HIVEP3: variants seen among roughly 807,000 people sequenced by gnomAD.
HIVEP3 encodes the protein HIVEP zinc finger 3.
A neutral mutation model predicts 152.8 loss-of-function variants in HIVEP3; 49 were observed. That is an observed-to-expected ratio of 0.32 (90% confidence interval 0.26 to 0.41). HIVEP3 has a LOEUF of 0.41. Among genes scored for constraint, HIVEP3 ranks in the 10% least tolerant of loss-of-function variants. The probability of loss-of-function intolerance (pLI) is 1.00; values close to 1 mark genes in which losing one functional copy is unlikely to be tolerated. For missense variants in HIVEP3, 2,790 were observed against 3,103.3 expected (o/e 0.90, Z 2.40); for synonymous variants, 1,269 against 1,289.0 (o/e 0.98, Z 0.33).
At chr1:41,578,812 G>A (rs896802576) in intron 4 of HIVEP3, among the ~76,000 whole-genome samples, 1 of 152,202 alleles carries the variant, frequency 6.6e-6, no homozygotes, top group African/African-American at 2.4e-5. Flanking sequence ...AAGGGAGATG[G>A]TTATGTTACT....
intron 6 of HIVEP3, among the ~76,000 whole-genome samples, chr1:41,519,094 G>A (rs1295056624): frequency 6.6e-6 from 1 of 152,146 alleles, no homozygotes; most frequent in African/African-American, 2.4e-5. Context: ...TACTAGCCAG[G>A]GACTCAGGAG....
chr1:41,706,189 G>C (rs1646430787), intron 1 of HIVEP3, among the ~76,000 whole-genome samples: 1 of 152,228 alleles, frequency 6.6e-6, no homozygotes, highest in Non-Finnish European at 1.5e-5. Flanking sequence ...ACTATAGGTA[G>C]TTTTTCAACC....
At chr1:41,983,997 C>A (rs1196067115) in intron 1 of HIVEP3, among the ~76,000 whole-genome samples, 1 of 152,104 alleles carries the variant, frequency 6.6e-6, no homozygotes, top group Non-Finnish European at 1.5e-5. Context: ...AGAGAGACAG[C>A]ATTTCGCTCT....
rs1558046341 is a variant in HIVEP3, at chr1:41,544,853, C to CTCT, written c.5208-19944_5208-19943insAGA. 1.4e-4 allele frequency among the ~76,000 whole-genome samples: 10 copies of CTCT among 72,384 alleles called. 1 individual carries two copies. Among genetic ancestry groups the CTCT allele is most frequent in the South Asian group, 1.1e-3 (2 of 1,784 alleles). The allele number at this position is 72,384 out of a possible 152,430, so 47.5% of individuals were successfully genotyped here. A position where few individuals can be genotyped will look rare whatever the true frequency, so the allele number is the denominator to read the frequency against. On this transcript the variant is annotated intron_variant, in intron 5 of 8. Transcript: ENST00000372583. ...CCATCACCACCACCACTACCACCAC[C>CTCT]ACCACCACCACCACCACCACCACTA...
chr1:41,525,387 T>C (rs1211605276), intron 5 of HIVEP3, among the ~76,000 whole-genome samples: 4 of 152,126 alleles, frequency 2.6e-5, no homozygotes, highest in Non-Finnish European at 2.9e-5. Context: ...CACCTCACCA[T>C]GGAGAGCCTG....
At chr1:41,720,500 AT>A (rs1208666137) in intron 1 of HIVEP3, among the ~76,000 whole-genome samples, 1 of 152,226 alleles carries the variant, frequency 6.6e-6, no homozygotes, top group African/African-American at 2.4e-5. Flanking sequence ...TGTGATTCCT[AT>A]GTGAGGAGTT....
intron 1 of HIVEP3, among the ~76,000 whole-genome samples, chr1:41,825,482 G>C (rs1303610208): frequency 6.6e-6 from 1 of 152,012 alleles, no homozygotes; most frequent in Non-Finnish European, 1.5e-5. Flanking sequence ...TGTTGGCCAG[G>C]CTGGTCTCGA....
intron 2 of HIVEP3, among the ~76,000 whole-genome samples, chr1:41,687,632 A>G (rs1250762850): frequency 2.6e-5 from 4 of 152,240 alleles, no homozygotes; most frequent in Admixed American, 2.6e-4. Context: ...ACTTAGGTGC[A>G]CGGCGATGCT....
At position 41,608,959 on chromosome 1, in the gene HIVEP3, C is replaced by G. The variant is rs55791618; in HGVS notation, c.-522+19790G>C. On this transcript the variant is annotated intron_variant, in intron 3 of 8. Coordinates refer to ENST00000372583, the MANE Select transcript of HIVEP3 (RefSeq NM_024503.5). ...AATAGCCAGGTGTGGTGGTGCATGC[C>G]TGTAATCCCAGTTACTTGGAAGGTT... Among the ~76,000 whole-genome samples, 889 of 150,984 alleles carry G rather than the reference C, an allele frequency of 5.9e-3. 5 individuals are homozygous for G. Among genetic ancestry groups the G allele is most frequent in the Non-Finnish European group, 0.01 (699 of 67,908 alleles).
intron 1 of HIVEP3, among the ~76,000 whole-genome samples, chr1:41,733,927 C>T (rs1570422094): frequency 6.6e-6 from 1 of 152,302 alleles, no homozygotes. Flanking sequence ...ACCTCCAGCC[C>T]CTGCACAGAA....
At chr1:41,959,752 T>G (rs889109870) in intron 1 of HIVEP3, among the ~76,000 whole-genome samples, 1 of 152,158 alleles carries the variant, frequency 6.6e-6, no homozygotes, top group Non-Finnish European at 1.5e-5. Flanking sequence ...CCTTGTGGAA[T>G]TTGCACTTCC....
At chr1:42,035,177 G>T (rs1457542254) in intron 1 of HIVEP3, among the ~76,000 whole-genome samples, 2 of 152,216 alleles carry the variant, frequency 1.3e-5, no homozygotes, top group Non-Finnish European at 2.9e-5. Flanking sequence ...CTTAAGAAAG[G>T]GGGCAAGCGC....
chr1:41,954,185 G>A (rs928781316), intron 1 of HIVEP3, among the ~76,000 whole-genome samples: 2 of 152,318 alleles, frequency 1.3e-5, no homozygotes, highest in African/African-American at 2.4e-5. Context: ...CAGATGCAGC[G>A]CTGGATGTGT....
rs1466924699 is a variant in HIVEP3 at position 41,545,652 on chromosome 1, AC to A, written c.5208-20743del. ...CACCACCATCACCACCATCACCACC[AC>A]TACCACCCCTGCCACAGCCACCACC... On this transcript the variant is annotated intron_variant, in intron 5 of 8. Coordinates refer to ENST00000372583, the MANE Select transcript of HIVEP3 (RefSeq NM_024503.5). 7.0e-3 allele frequency among the ~76,000 whole-genome samples: 850 copies of A among 121,260 alleles called. 23 individuals carry two copies. Among genetic ancestry groups the A allele is most frequent in the African/African-American group, 0.027 (816 of 30,326 alleles). 79.6% of individuals were successfully genotyped at this position (121,260 alleles called of 152,430 possible).
In HIVEP3 at chr1:41,774,328, G is replaced by C. The variant is rs549777298; in HGVS notation, c.-800-73333C>G. 5.3e-5 allele frequency among the ~76,000 whole-genome samples: 8 copies of C among 152,318 alleles called. No homozygotes were observed. In the East Asian group the frequency reaches 1.5e-3, roughly 29 times the overall value. ...TTTTCATAAGTTATTAACATAGTGG[G>C]TTGTTTTTTCTATAGCACAAGCTGA... is the stretch of plus-strand genomic sequence containing the variant. On this transcript the variant is annotated intron_variant, in intron 1 of 8. Coordinates refer to ENST00000372583, the MANE Select transcript of HIVEP3 (RefSeq NM_024503.5).
intron 1 of HIVEP3, among the ~76,000 whole-genome samples, chr1:42,026,351 C>T (rs1056172755): frequency 6.6e-6 from 1 of 152,124 alleles, no homozygotes; most frequent in Admixed American, 6.5e-5. Flanking sequence ...TTATTAGGAT[C>T]GACAAATGTT....
intron 1 of HIVEP3, among the ~76,000 whole-genome samples, chr1:41,702,307 C>G (rs935856971): frequency 6.6e-6 from 1 of 152,192 alleles, no homozygotes; most frequent in African/African-American, 2.4e-5. Context: ...CCTTGTCCCT[C>G]TACTAGGGTA....
intron 5 of HIVEP3, among the ~76,000 whole-genome samples, chr1:41,563,190 T>C (rs1644108141): frequency 1.3e-5 from 2 of 151,638 alleles, no homozygotes; most frequent in African/African-American, 4.8e-5. Context: ...CTACTAAAAA[T>C]ACAAAAATTA....
At chr1:41,943,769 GAAGAATTC>G (rs1367650618) in intron 1 of HIVEP3, among the ~76,000 whole-genome samples, 1 of 152,172 alleles carries the variant, frequency 6.6e-6, no homozygotes, top group Non-Finnish European at 1.5e-5. Context: ...TGTTTATTCT[GAAGAATTC>G]AAGGAAGCCA....
Sources: gnomAD v4.1 joint callset for allele counts (sites outside exome capture counted in the v4.1 genomes callset) on GRCh38, gnomAD v4.1.1 for gene constraint, MANE v1.5 for transcripts, NCBI Gene and HGNC (gene_info 2026-07-23, HGNC 2026-07-21) for gene names.